Variants in FAM120A observed in about 807,000 individuals in gnomAD.
FAM120A encodes family with sequence similarity 120 member A.
In FAM120A, 15 loss-of-function variants were observed where a neutral mutation model predicts 109.7. The observed-to-expected ratio is 0.14, with a 90% confidence interval of 0.09 to 0.21. The LOEUF is 0.21. FAM120A is among the 10% of genes least tolerant of loss of function. The pLI is 1.00. For synonymous variants in FAM120A, 493 were observed against 572.8 expected (o/e 0.86, Z 1.99); for missense variants, 899 against 1,439.3 (o/e 0.62, Z 6.07).
At chr9:93,543,623 G>A in intron 11 of FAM120A, 152 bp downstream of exon 11, 1 of 1,040,566 alleles carries the variant, frequency 9.6e-7, no homozygotes, top group Non-Finnish European at 1.3e-6. Context: ...ATATGTGATA[G>A]AAATGTAGGT....
chr9:93,505,128 T>A (rs1859985368), intron 5 of FAM120A, among the ~76,000 whole-genome samples: 1 of 136,294 alleles, frequency 7.3e-6, no homozygotes, highest in South Asian at 2.7e-4. Context: ...TGGCGCAATC[T>A]CGGCTCACTG....
chr9:93,508,817 C>T (rs898143301), intron 5 of FAM120A, among the ~76,000 whole-genome samples: 5 of 152,158 alleles, frequency 3.3e-5, no homozygotes, highest in Admixed American at 6.5e-5. Context: ...ATCCCAGTGT[C>T]GCATTGCTCA....
intron 3 of FAM120A, among the ~76,000 whole-genome samples, chr9:93,485,205 A>G (rs758067863): frequency 1.3e-5 from 2 of 151,952 alleles, no homozygotes; most frequent in Non-Finnish European, 2.9e-5. Flanking sequence ...CACCCTTAAG[A>G]CATTTTGCCT....
chr9:93,469,014 C>T (rs772607380), intron 1 of FAM120A, among the ~76,000 whole-genome samples: 6 of 152,240 alleles, frequency 3.9e-5, no homozygotes, highest in South Asian at 2.1e-4. Flanking sequence ...GCCCAGGCAA[C>T]AGGCCAGGCT....
chr9:93,471,505 C>A, intron 2 of FAM120A, 118 bp downstream of exon 2: 1 of 1,273,612 alleles, frequency 7.9e-7, no homozygotes, highest in Non-Finnish European at 1.1e-6. Context: ...TGAAAAGAAC[C>A]AAGGCGTGGG....
At chr9:93,468,795 A>C (rs1229531704) in intron 1 of FAM120A, among the ~76,000 whole-genome samples, 7 of 152,094 alleles carry the variant, frequency 4.6e-5, no homozygotes, top group Non-Finnish European at 1.0e-4. Flanking sequence ...TTAGTGAATT[A>C]GTTTCTTAGG....
At position 93,452,384 on chromosome 9, in the gene FAM120A, G is replaced by A. The variant is rs755946786; in HGVS notation, c.469G>A (p.Val157Ile). 5 of 1,607,290 alleles carry A rather than the reference G, an allele frequency of 3.1e-6. 1 individual carries two copies. Among genetic ancestry groups the A allele is most frequent in the South Asian group, 2.2e-5 (2 of 90,014 alleles). ...CIRLALIRFH[V>I]KVAQSIEDHH... ...CCGCCTGGCGCTCATCCGCTTCCACGTCAAGGTGAGGCCGGGGATCCGGGC... is the reference window on the plus strand; with the variant it reads ...CCGCCTGGCGCTCATCCGCTTCCACATCAAGGTGAGGCCGGGGATCCGGGC... The change falls in exon 1 of 18, where the codon GTC becomes ATC. Residue 157 changes from valine to isoleucine, a missense_variant. By Grantham distance (29) the Val-to-Ile change is conservative. This residue lies in a region of FAM120A where 258 missense variants were observed against 451.4 expected (regional missense o/e 0.57). Coordinates refer to ENST00000277165, the MANE Select transcript of FAM120A (RefSeq NM_014612.5). The surrounding 1 kb of genome is among the most constrained non-coding windows in gnomAD (Gnocchi z 7.0).
At chr9:93,459,884 A>G (rs1457981414) in intron 1 of FAM120A, among the ~76,000 whole-genome samples, 1 of 152,238 alleles carries the variant, frequency 6.6e-6, no homozygotes, top group Non-Finnish European at 1.5e-5. Flanking sequence ...AGGTAAGGAA[A>G]TCTTGGTATG....
chr9:93,524,961 G>A (rs1412766477), intron 7 of FAM120A, among the ~76,000 whole-genome samples: 1 of 151,880 alleles, frequency 6.6e-6, no homozygotes, highest in East Asian at 1.9e-4. Flanking sequence ...TATTAGTTGT[G>A]TAAAATGAAA....
intron 2 of FAM120A, among the ~76,000 whole-genome samples, chr9:93,473,467 G>A (rs1264444980): frequency 1.3e-5 from 2 of 151,634 alleles, no homozygotes; most frequent in Non-Finnish European, 2.9e-5. Flanking sequence ...CACCACATCC[G>A]GCTAAAGTTT....
At position 93,564,559 on chromosome 9, in the gene FAM120A, G is replaced by T; in HGVS notation, c.*19G>T. On this transcript the variant is annotated 3_prime_UTR_variant, in exon 18 of 18. Coordinates refer to ENST00000277165, the MANE Select transcript of FAM120A (RefSeq NM_014612.5). ...AGAGTAAACTTATTTTTTATAGAGG[G>T]TGAAGGATGCTGGAAGGGTAAGGAT... 6.3e-7 allele frequency: 1 copy of T among 1,581,554 alleles called. No homozygotes were observed. The highest frequency in any genetic ancestry group is 8.6e-7 in the Non-Finnish European group (1 of 1,158,084).
chr9:93,461,142 G>A (rs1362909271), intron 1 of FAM120A, among the ~76,000 whole-genome samples: 2 of 152,126 alleles, frequency 1.3e-5, no homozygotes, highest in Non-Finnish European at 2.9e-5. Context: ...ACTTTTATGC[G>A]CCAGTCATTT....
chr9:93,496,968 G>A (rs970492790), intron 3 of FAM120A, among the ~76,000 whole-genome samples: 1 of 152,212 alleles, frequency 6.6e-6, no homozygotes, highest in Admixed American at 6.5e-5. Context: ...GGCCTTTGAA[G>A]GTGGATTCAA....
Position 93,564,537 on chromosome 9 carries a change from G to A in FAM120A, c.3354G>A (p.Glu1118=), listed in dbSNP as rs144655329. The A allele has an allele frequency of 6.2e-7, 1 of 1,601,766 alleles. No homozygotes were observed. Among genetic ancestry groups the A allele is most frequent in the East Asian group, 2.2e-5 (1 of 44,634 alleles). The part of the protein sequence containing the change: ...ALEAAVLNKE[E] ...AGGCAGCTGTCTTAAATAAAGAAGA[G>A]TAAACTTATTTTTTATAGAGGGTGA... Residue 1118 remains glutamate (E), a synonymous_variant, in exon 18 of 18, where the codon GAG becomes GAA. Transcript: ENST00000277165.
intron 7 of FAM120A, among the ~76,000 whole-genome samples, chr9:93,521,571 T>TC (rs1860846712): frequency 6.8e-6 from 1 of 147,370 alleles, no homozygotes; most frequent in African/African-American, 2.5e-5. Flanking sequence ...ACAGAATGAG[T>TC]CCCTGTCTCT....
chr9:93,546,626 G>A (rs994807176), intron 11 of FAM120A, among the ~76,000 whole-genome samples: 10 of 152,158 alleles, frequency 6.6e-5, no homozygotes, highest in African/African-American at 2.2e-4. Flanking sequence ...TGCTCCTCTC[G>A]ATGCCTGGGG....
At chr9:93,497,306 C>A (rs530289339) in intron 3 of FAM120A, among the ~76,000 whole-genome samples, 165 bp from the exon 4 acceptor site, 29 of 152,300 alleles carry the variant, frequency 1.9e-4, no homozygotes, top group African/African-American at 7.0e-4. Flanking sequence ...AGAACGTGAA[C>A]GGCTTAGGAA....
At chr9:93,521,563 A>G (rs1860846481) in intron 7 of FAM120A, among the ~76,000 whole-genome samples, 1 of 151,874 alleles carries the variant, frequency 6.6e-6, no homozygotes, top group Non-Finnish European at 1.5e-5. Context: ...GCCGGGCAAC[A>G]GAATGAGTCC....
intron 3 of FAM120A, among the ~76,000 whole-genome samples, chr9:93,495,908 C>G (rs1457355513): frequency 1.3e-5 from 2 of 152,218 alleles, no homozygotes; most frequent in Non-Finnish European, 2.9e-5. Context: ...AATCTCAAAC[C>G]CTGCCACTGC....
Sources: allele counts gnomAD v4.1 joint callset (sites outside exome capture counted in the v4.1 genomes callset), GRCh38; gene constraint gnomAD v4.1.1; regional missense constraint gnomAD v4.1.1; non-coding constraint Gnocchi (gnomAD v3.1); transcripts MANE v1.5; gene names NCBI Gene and HGNC (gene_info 2026-07-23, HGNC 2026-07-21).